Variants in TMEM132D observed in about 807,000 individuals in gnomAD.
TMEM132D encodes the protein mature OL transmembrane protein.
TMEM132D carries 21 observed loss-of-function variants against 62.3 expected under a neutral mutation model. The ratio of observed to expected loss-of-function variants is 0.34; its 90% CI spans 0.24 to 0.49. TMEM132D has a LOEUF of 0.49. Ranked by LOEUF, TMEM132D falls within the 20% of genes least tolerant of loss-of-function variation. TMEM132D has a pLI of 0.99. For missense variants in TMEM132D, 1,346 were observed against 1,402.8 expected (o/e 0.96, Z 0.65); for synonymous variants, 621 against 575.6 (o/e 1.08, Z -1.13).
intron 3 of TMEM132D, among the ~76,000 whole-genome samples, chr12:129,501,322 GGCT>G (rs1875133602): frequency 6.6e-6 from 1 of 151,944 alleles, no homozygotes; most frequent in Non-Finnish European, 1.5e-5. Context: ...TGATTTCTGA[GGCT>G]GCTAAGAAAA....
intron 5 of TMEM132D, 151 bp downstream of exon 5, chr12:129,209,369 C>A: frequency 2.1e-6 from 2 of 962,738 alleles, no homozygotes; most frequent in Non-Finnish European, 3.0e-6. Flanking sequence ...GGAGAATGTC[C>A]TGATTTAAGT....
intron 1 of TMEM132D, among the ~76,000 whole-genome samples, chr12:129,876,953 G>T (rs1013270604): frequency 6.6e-6 from 1 of 152,162 alleles, no homozygotes; most frequent in Non-Finnish European, 1.5e-5. Context: ...TGATACAGAG[G>T]AAGGGAGGGT....
At chr12:129,467,122 T>C (rs888139540) in intron 3 of TMEM132D, among the ~76,000 whole-genome samples, 1 of 152,026 alleles carries the variant, frequency 6.6e-6, no homozygotes, top group African/African-American at 2.4e-5. Context: ...GTCCAACAGA[T>C]AAAATAAGTA....
chr12:129,635,600 G>T (rs1355854444), intron 2 of TMEM132D, among the ~76,000 whole-genome samples: 2 of 152,184 alleles, frequency 1.3e-5, no homozygotes, highest in Admixed American at 6.5e-5. Flanking sequence ...GCGCTCAGGG[G>T]ACTTGTGTTC....
intron 1 of TMEM132D, among the ~76,000 whole-genome samples, chr12:129,703,048 T>C (rs1416365449): frequency 1.3e-5 from 2 of 152,192 alleles, no homozygotes; most frequent in African/African-American, 4.8e-5. Flanking sequence ...TCCCCTATTG[T>C]TAAAAACACA....
intron 3 of TMEM132D, among the ~76,000 whole-genome samples, chr12:129,365,321 A>G (rs992423193): frequency 1.6e-4 from 24 of 152,292 alleles, no homozygotes; most frequent in Admixed American, 1.3e-3. Context: ...GAGATAAAAG[A>G]AGATGCAGTT....
At chr12:129,103,083 T>C (rs926494234) in intron 5 of TMEM132D, among the ~76,000 whole-genome samples, 1 of 152,236 alleles carries the variant, frequency 6.6e-6, no homozygotes, top group African/African-American at 2.4e-5. Context: ...TTCCATGCTC[T>C]GTTTTGTGAC....
At position 129,903,908 on chromosome 12, in the gene TMEM132D, C is replaced by A. The variant is rs1338868421; in HGVS notation, c.-569G>T. ...GCCGCTGCGCCTCGGGGCTCGGGCG[C>A]GCGCGCGCTCCGGCACCCAAAGTTT... On this transcript the variant is annotated 5_prime_UTR_variant, in exon 1 of 9. Transcript: ENST00000422113. The surrounding 1 kb of genome is among the most constrained non-coding windows in gnomAD (Gnocchi z 6.2). Among the ~76,000 whole-genome samples the A allele has an allele frequency of 1.4e-5, 2 of 147,244 alleles. No individual in the cohort carries two copies. The highest frequency in any genetic ancestry group is 4.9e-5 in the African/African-American group (2 of 40,952).
intron 5 of TMEM132D, among the ~76,000 whole-genome samples, chr12:129,187,393 T>A (rs1235307463): frequency 6.6e-6 from 1 of 152,130 alleles, no homozygotes; most frequent in African/African-American, 2.4e-5. Context: ...TAACTCAGAA[T>A]AACAGCCAAG....
At chr12:129,167,174 A>G (rs1380169191) in intron 5 of TMEM132D, among the ~76,000 whole-genome samples, 1 of 151,278 alleles carries the variant, frequency 6.6e-6, no homozygotes, top group Admixed American at 6.6e-5. Context: ...AAAAAAACAA[A>G]AAAAAAACCA....
chr12:129,716,691 A>G (rs1868587698), intron 1 of TMEM132D, among the ~76,000 whole-genome samples: 1 of 152,126 alleles, frequency 6.6e-6, no homozygotes, highest in Non-Finnish European at 1.5e-5. Flanking sequence ...ATAAAACAAG[A>G]GGATTATCCT....
At chr12:129,358,692 T>G (rs1431898371) in intron 3 of TMEM132D, among the ~76,000 whole-genome samples, 1 of 152,174 alleles carries the variant, frequency 6.6e-6, no homozygotes, top group Non-Finnish European at 1.5e-5. Flanking sequence ...TAACAGTCTA[T>G]CTCAGAGGAC....
At chr12:129,778,384 C>T (rs910429439) in intron 1 of TMEM132D, among the ~76,000 whole-genome samples, 2 of 152,224 alleles carry the variant, frequency 1.3e-5, no homozygotes, top group Admixed American at 6.5e-5. Flanking sequence ...TAAAAGGCTT[C>T]ATAACCTGCA....
intron 5 of TMEM132D, among the ~76,000 whole-genome samples, chr12:129,103,274 C>G (rs1199160361): frequency 6.6e-6 from 1 of 152,180 alleles, no homozygotes; most frequent in African/African-American, 2.4e-5. Flanking sequence ...ATGCTTCACC[C>G]CACAGCATCA....
In TMEM132D at chr12:129,073,793, C is replaced by T; in HGVS notation, c.*82G>A. 7.9e-7 allele frequency: 1 copy of T among 1,271,240 alleles called. No individual in the cohort carries two copies. Among genetic ancestry groups the T allele is most frequent in the Middle Eastern group, 2.3e-4 (1 of 4,376 alleles). The allele number at this position is 1,271,240 out of a possible 1,614,324, so 78.7% of individuals were successfully genotyped here. ...CTTATTTTGTCCTGCTGCTTTGTTTCTCTTCCGGGGGCACCGTTGCTACAC... is the reference window on the plus strand; with the variant it reads ...CTTATTTTGTCCTGCTGCTTTGTTTTTCTTCCGGGGGCACCGTTGCTACAC... On this transcript the variant is annotated 3_prime_UTR_variant, in exon 9 of 9. Transcript: ENST00000422113.
At chr12:129,840,110 T>A (rs1024770339) in intron 1 of TMEM132D, 5 of 152,328 alleles carry the variant, frequency 3.3e-5, no homozygotes, top group South Asian at 2.1e-4. Flanking sequence ...TTTTTAAGTG[T>A]TTAGGATACA....
chr12:129,423,070 T>C (rs549953694), intron 3 of TMEM132D, among the ~76,000 whole-genome samples: 3 of 151,892 alleles, frequency 2.0e-5, no homozygotes, highest in African/African-American at 4.8e-5. Flanking sequence ...TATATATATA[T>C]GTACATCTTT....
At chr12:129,399,894 T>G (rs77270253) in intron 3 of TMEM132D, among the ~76,000 whole-genome samples, 11,397 of 150,678 alleles carry the variant, frequency 0.076, 1,200 homozygotes, top group African/African-American at 0.24. Context: ...TGTGTGTGTG[T>G]GGGGGGGTAT....
intron 4 of TMEM132D, among the ~76,000 whole-genome samples, chr12:129,329,475 A>G (rs886557602): frequency 1.3e-5 from 2 of 152,200 alleles, no homozygotes; most frequent in African/African-American, 4.8e-5. Context: ...AAATAAAAAG[A>G]GCCAAGAATC....
Sources: allele counts gnomAD v4.1 joint callset (sites outside exome capture counted in the v4.1 genomes callset), GRCh38; gene constraint gnomAD v4.1.1; non-coding constraint Gnocchi (gnomAD v3.1); transcripts MANE v1.5; gene names NCBI Gene and HGNC (gene_info 2026-07-23, HGNC 2026-07-21).